The following HECW2 variants were observed in gnomAD, a reference collection of about 807,000 sequenced individuals.
The protein encoded by HECW2 is HECT, C2 and WW domain containing E3 ubiquitin protein ligase 2.
A neutral mutation model predicts 175.2 loss-of-function variants in HECW2; 61 were observed. The ratio of observed to expected loss-of-function variants is 0.35; its 90% CI spans 0.28 to 0.43. The LOEUF is 0.43. Ranked by LOEUF, HECW2 falls within the 20% of genes least tolerant of loss-of-function variation. The pLI, the probability that HECW2 is intolerant of heterozygous loss-of-function variation, is 1.00. For missense variants in HECW2, 1,524 were observed against 2,000.5 expected, an observed-to-expected ratio of 0.76 and a Z score of 4.54; for synonymous variants, 671 against 731.0, an observed-to-expected ratio of 0.92 and a Z score of 1.32.
At chr2:196,307,643 C>A (rs1040020666) in intron 11 of HECW2, among the ~76,000 whole-genome samples, 2 of 152,106 alleles carry the variant, frequency 1.3e-5, no homozygotes, top group African/African-American at 4.8e-5. Context: ...CTTTAAATAA[C>A]AAATGTATAT....
intron 20 of HECW2, among the ~76,000 whole-genome samples, chr2:196,241,564 A>T (rs553154679): frequency 6.6e-6 from 1 of 152,190 alleles, no homozygotes; most frequent in Non-Finnish European, 1.5e-5. Flanking sequence ...TAGGGAATGG[A>T]AACAATTCTA....
intron 2 of HECW2, among the ~76,000 whole-genome samples, chr2:196,352,925 A>T (rs1693220730): frequency 6.6e-6 from 1 of 152,170 alleles, no homozygotes; most frequent in Non-Finnish European, 1.5e-5. Context: ...CAAAAGAATC[A>T]ATTTCAAACA....
chr2:196,590,592 T>C lies in HECW2; in HGVS notation c.-36+2916A>G, dbSNP rs111741357. On this transcript the variant is annotated intron_variant, in intron 1 of 28. Transcript: ENST00000644978. ...ACACTTCACAACAGAGAAAGCCACC[T>C]GGTTAGAGGTTACACAGATACCAAC... Among the ~76,000 whole-genome samples the C allele has an allele frequency of 2.0e-5, 3 of 152,224 alleles. No individual in the cohort carries two copies. In the East Asian group the frequency reaches 5.8e-4, roughly 29 times the overall value.
At chr2:196,425,863 T>G (rs1237182401) in intron 2 of HECW2, among the ~76,000 whole-genome samples, 1 of 152,158 alleles carries the variant, frequency 6.6e-6, no homozygotes, top group Non-Finnish European at 1.5e-5. Context: ...TTGACTCCAA[T>G]TTTGAAAAAA....
chr2:196,329,636 G>A lies in HECW2; in HGVS notation c.510C>T (p.Gly170=). The change falls in exon 5 of 29, where the codon GGC becomes GGT. Residue 170 remains glycine, a synonymous_variant. Transcript: ENST00000644978. ...KNPAVMMGAE[G]MEGGASGNLH... Reference sequence around the variant, plus strand: ...GGTTTCCTGAAGCACCTCCCTCCATGCCTTCTGCCCCCATCTGAAAAGAAA... The same window carrying A: ...GGTTTCCTGAAGCACCTCCCTCCATACCTTCTGCCCCCATCTGAAAAGAAA... 1 of 1,613,460 alleles carries A rather than the reference G, an allele frequency of 6.2e-7. No homozygotes were observed. The highest frequency in any genetic ancestry group is 1.7e-4 in the Middle Eastern group (1 of 6,056).
intron 13 of HECW2, among the ~76,000 whole-genome samples, chr2:196,296,569 T>G (rs1232864928): frequency 6.6e-6 from 1 of 152,228 alleles, no homozygotes; most frequent in Non-Finnish European, 1.5e-5. Context: ...AACAAGGGTC[T>G]CCTAAGCTTC....
intron 1 of HECW2, among the ~76,000 whole-genome samples, chr2:196,549,067 T>C (rs1380208441): frequency 6.6e-6 from 1 of 152,212 alleles, no homozygotes; most frequent in Admixed American, 6.5e-5. Flanking sequence ...CCCACAAACT[T>C]AGAAACCCTT....
chr2:196,222,990 C>T (rs1466255874), intron 23 of HECW2, among the ~76,000 whole-genome samples: 1 of 151,928 alleles, frequency 6.6e-6, no homozygotes, highest in Non-Finnish European at 1.5e-5. Flanking sequence ...TGTTCCATGG[C>T]CCAGTTGTAC....
chr2:196,357,258 A>G lies in HECW2; in HGVS notation c.293-13494T>C, dbSNP rs1262647798. On this transcript the variant is annotated intron_variant, in intron 2 of 28. Coordinates refer to ENST00000644978, the MANE Select transcript of HECW2 (RefSeq NM_001348768.2). ...AGACAGAGCTATAGCCGATACAAAT[A>G]TCCACCTTAGTGCAAAAGGCTGTGA... Among the ~76,000 whole-genome samples, 8 of 150,222 alleles carry G rather than the reference A, an allele frequency of 5.3e-5. No individual in the cohort carries two copies. In the East Asian group the frequency reaches 1.6e-3, roughly 29 times the overall value.
intron 9 of HECW2, among the ~76,000 whole-genome samples, chr2:196,317,697 A>G (rs568254841): frequency 1.0e-5 from 1 of 97,684 alleles, no homozygotes. Flanking sequence ...ACAAAATTTA[A>G]AAAAAAAAAG....
intron 1 of HECW2, among the ~76,000 whole-genome samples, chr2:196,553,312 CA>C (rs1689666636): frequency 6.6e-6 from 1 of 152,168 alleles, no homozygotes; most frequent in African/African-American, 2.4e-5. Context: ...CAAATAAAGG[CA>C]AAAACTTGTC....
At chr2:196,203,159 A>G (rs537204308) in intron 28 of HECW2, among the ~76,000 whole-genome samples, 2 of 152,316 alleles carry the variant, frequency 1.3e-5, no homozygotes, top group African/African-American at 4.8e-5. Context: ...TTTAGGGTAT[A>G]GAGATAGTAC....
chr2:196,205,188 G>A (rs113256828), intron 28 of HECW2, among the ~76,000 whole-genome samples: 3 of 152,274 alleles, frequency 2.0e-5, no homozygotes, highest in African/African-American at 7.2e-5. Flanking sequence ...GCGATGATGG[G>A]GAAAGCATAT....
intron 1 of HECW2, among the ~76,000 whole-genome samples, chr2:196,500,633 C>T (rs1687548302): frequency 6.6e-6 from 1 of 152,206 alleles, no homozygotes; most frequent in Admixed American, 6.5e-5. Flanking sequence ...ATTAACACCA[C>T]TTTACCATTT....
At chr2:196,543,428 A>G (rs981330843) in intron 1 of HECW2, among the ~76,000 whole-genome samples, 3 of 152,102 alleles carry the variant, frequency 2.0e-5, no homozygotes, top group East Asian at 3.8e-4. Flanking sequence ...GTAAATGTGC[A>G]TATAATTATA....
At chr2:196,231,862 G>A (rs1688071273) in intron 21 of HECW2, among the ~76,000 whole-genome samples, 2 of 151,988 alleles carry the variant, frequency 1.3e-5, no homozygotes, top group Non-Finnish European at 2.9e-5. Flanking sequence ...GGTGGTGGGC[G>A]CCTGTAGTCC....
Position 196,282,178 on chromosome 2 carries a change from G to A in HECW2, c.3001-3516C>T, listed in dbSNP as rs1285061489. ...AGGCTCCTTGTAAGTATGTGTGGCCGAGACTAAGTTCTGACCAGTAAGATG... is the reference window on the plus strand; with the variant it reads ...AGGCTCCTTGTAAGTATGTGTGGCCAAGACTAAGTTCTGACCAGTAAGATG... On this transcript the variant is annotated intron_variant, in intron 14 of 28. Transcript: ENST00000644978. Among the ~76,000 whole-genome samples the A allele has an allele frequency of 3.3e-5, 5 of 152,278 alleles. No individual in the cohort carries two copies. The East Asian group carries it at 7.7e-4, about 23-fold the overall frequency.
In HECW2 at chr2:196,197,796, C is replaced by CTTGTACCCTACAAAGTGCGTGAGGAGCTA. The variant is rs1264897442; in HGVS notation, c.*3452_*3480dup. 3.9e-5 allele frequency: 6 copies of CTTGTACCCTACAAAGTGCGTGAGGAGCTA among 152,214 alleles called. No individual in the cohort carries two copies. The highest frequency in any genetic ancestry group is 8.8e-5 in the Non-Finnish European group (6 of 68,032). 9.4% of individuals were successfully genotyped at this position (152,214 alleles called of 1,614,324 possible). On this transcript the variant is annotated 3_prime_UTR_variant, in exon 29 of 29. Transcript: ENST00000644978. ...GCCACAACCCAGATGGAACATGATG[C>CTTGTACCCTACAAAGTGCGTGAGGAGCTA]TTGTACCCTACAAAGTGCGTGAGGA...
At position 196,433,228 on chromosome 2, in the gene HECW2, A is replaced by G; in HGVS notation, c.196T>C (p.Tyr66His). The change falls in exon 2 of 29, where the codon TAC becomes CAC. Residue 66 changes from tyrosine to histidine, a missense_variant. Tyr to His is a moderately conservative substitution (Grantham distance 83, BLOSUM62 2). Coordinates refer to ENST00000644978, the MANE Select transcript of HECW2 (RefSeq NM_001348768.2). ...TGGGCTTGCCCCAGCGTGTACTCGT[A>G]CATGCTGGCAGTTAAGCTGGAGCGG... ...ESRSSLTASM[Y>H]EYTLGQAQNL... 6.2e-7 allele frequency: 1 copy of G among 1,614,152 alleles called. No homozygotes were observed. Among genetic ancestry groups the G allele is most frequent in the Non-Finnish European group, 8.5e-7 (1 of 1,180,014 alleles).
Sources: gnomAD v4.1 joint callset for allele counts (sites outside exome capture counted in the v4.1 genomes callset) on GRCh38, gnomAD v4.1.1 for gene constraint, MANE v1.5 for transcripts, NCBI Gene and HGNC (gene_info 2026-07-23, HGNC 2026-07-21) for gene names.